SPRY4: variants seen among roughly 807,000 people sequenced by gnomAD.
SPRY4 encodes protein sprouty homolog 4.
SPRY4 carries 7 observed loss-of-function variants against 17.0 expected under a neutral mutation model. The observed-to-expected ratio is 0.41, with a 90% confidence interval of 0.23 to 0.77. The LOEUF (loss-of-function observed/expected upper bound fraction) is 0.77, where lower values mean the gene tolerates loss of function less well. Among genes scored for constraint, SPRY4 ranks in the 30% least tolerant of loss-of-function variants. The pLI, the probability that SPRY4 is intolerant of heterozygous loss-of-function variation, is 0.32. For synonymous variants in SPRY4, 183 were observed against 174.1 expected, an observed-to-expected ratio of 1.05 and a Z score of -0.40; for missense variants, 435 against 419.9, an observed-to-expected ratio of 1.04 and a Z score of -0.31.
chr5:142,315,075 T>G lies in SPRY4; in HGVS notation c.34A>C (p.Thr12Pro). ...GGCTGGACCATGACTGAGTTGGGAG[T>G]CAAGGGGGCGCTCTGTGGGATCGGG... is the stretch of plus-strand genomic sequence containing the variant. Reference protein sequence around the residue: ...EPPIPQSAPLTPNSVMVQPLL... With the variant: ...EPPIPQSAPLPPNSVMVQPLL... Residue 12 changes from threonine (T) to proline (P), a missense_variant, in exon 2 of 2, where the codon ACT (threonine) becomes CCT (proline). Physicochemically the swap from Thr to Pro is conservative, Grantham distance 38 (BLOSUM62 -1). Transcript: ENST00000434127. 1 of 1,611,388 alleles carries G rather than the reference T, an allele frequency of 6.2e-7. No homozygotes were observed. Among genetic ancestry groups the G allele is most frequent in the Non-Finnish European group, 8.5e-7 (1 of 1,179,650 alleles).
At position 142,310,592 on chromosome 5, in the gene SPRY4, T is replaced by C. The variant is rs140063794; in HGVS notation, c.*3617A>G. The stretch of plus-strand genomic sequence containing the variant: ...ATAGAGCTTCAAAATAAATATTCTA[T>C]ACAAAGAAAACCTGTGGCAACTTTG... On this transcript the variant is annotated 3_prime_UTR_variant, in exon 2 of 2. Coordinates refer to ENST00000434127, the MANE Select transcript of SPRY4 (RefSeq NM_001127496.3). 74 of 152,606 alleles carry C rather than the reference T, an allele frequency of 4.8e-4. No homozygotes were observed. Among genetic ancestry groups the C allele is most frequent in the East Asian group, 7.7e-4 (4 of 5,188 alleles). 9.5% of individuals were successfully genotyped at this position (152,606 alleles called of 1,614,324 possible). A position where few individuals can be genotyped will look rare whatever the true frequency, so the allele number is the denominator to read the frequency against.
intron 1 of SPRY4, chr5:142,319,629 A>C (rs1424392713): frequency 1.4e-6 from 2 of 1,412,206 alleles, no homozygotes; most frequent in East Asian, 4.8e-5. Context: ...AGAGAGTCCT[A>C]GAATACTGAA....
rs1758937948 is a variant in SPRY4 at position 142,312,047 on chromosome 5, G to A, written c.*2162C>T. On this transcript the variant is annotated 3_prime_UTR_variant, in exon 2 of 2. Transcript: ENST00000434127. ...AAAGTGCAACTTGCCACTGGGTCAA[G>A]TTTCCCATGGAGACAATTTGAGGGA... The A allele has an allele frequency of 7.1e-6, 1 of 140,548 alleles. No homozygotes were observed. The allele number at this position is 140,548 out of a possible 1,614,324, so 8.7% of individuals were successfully genotyped here.
chr5:142,320,760 C>T (rs1759319323), intron 1 of SPRY4, among the ~76,000 whole-genome samples: 1 of 151,956 alleles, frequency 6.6e-6, no homozygotes, highest in East Asian at 1.9e-4. Flanking sequence ...CCCACAGACA[C>T]TAAGATCTTA....
At position 142,314,144 on chromosome 5, in the gene SPRY4, GTCT is replaced by G; in HGVS notation, c.*62_*64del. 6.7e-7 allele frequency: 1 copy of G among 1,501,550 alleles called. No individual in the cohort carries two copies. Among genetic ancestry groups the G allele is most frequent in the Middle Eastern group, 1.8e-4 (1 of 5,704 alleles). 93.0% of individuals were successfully genotyped at this position (1,501,550 alleles called of 1,614,324 possible). On this transcript the variant is annotated 3_prime_UTR_variant, in exon 2 of 2. Coordinates refer to ENST00000434127, the MANE Select transcript of SPRY4 (RefSeq NM_001127496.3). This position sits in a 1 kb window ranked among gnomAD's most constrained non-coding sequence, Gnocchi z 4.8. ...GGCTAAAACCTCTGACCTTGCTGCA[GTCT>G]TCTTAGATGTCAGAAGAGAACCAGG...
At position 142,314,878 on chromosome 5, in the gene SPRY4, C is replaced by T. The variant is rs143709567; in HGVS notation, c.231G>A (p.Thr77=). ...TGACATCCTGGTCACAGCGGGCGGG[C>T]GTCGGGGCCAGCTCTGGGGCCCCGC... ...TRGGAPELAP[T]PARCDQDVTH... Residue 77 remains threonine (T), a synonymous_variant, in exon 2 of 2, where the codon ACG becomes ACA. Coordinates refer to ENST00000434127, the MANE Select transcript of SPRY4 (RefSeq NM_001127496.3). The surrounding 1 kb of genome is among the most constrained non-coding windows in gnomAD (Gnocchi z 4.8). The T allele has an allele frequency of 1.6e-3, 2,601 of 1,597,144 alleles. 23 individuals carry two copies. Among genetic ancestry groups the T allele is most frequent in the South Asian group, 0.012 (1,092 of 89,134 alleles).
intron 1 of SPRY4, chr5:142,317,350 G>T (rs1759188205): frequency 1.0e-6 from 1 of 985,456 alleles, no homozygotes; most frequent in Non-Finnish European, 1.2e-6. Context: ...CTGCCTGGAG[G>T]AAAGGGTGTG....
chr5:142,315,261 C>T (rs914308725), intron 1 of SPRY4, 106 bp from the exon 2 acceptor site: 1 of 685,686 alleles, frequency 1.5e-6, no homozygotes, highest in Non-Finnish European at 2.4e-6. Context: ...GCCCAATTGA[C>T]ATAGGAACTA....
chr5:142,316,586 G>A (rs1222040708), intron 1 of SPRY4, among the ~76,000 whole-genome samples: 4 of 152,178 alleles, frequency 2.6e-5, no homozygotes, highest in African/African-American at 4.8e-5. Flanking sequence ...TTGCATTAAT[G>A]TATTATGGGG....
chr5:142,317,246 A>G, intron 1 of SPRY4: 1 of 985,468 alleles, frequency 1.0e-6, no homozygotes, highest in Middle Eastern at 5.2e-4. Context: ...CTGCCCACTT[A>G]TTCTCAATAG....
Position 142,314,285 on chromosome 5 carries a change from C to T in SPRY4, c.824G>A (p.Cys275Tyr), listed in dbSNP as rs1255890118. The T allele has an allele frequency of 1.2e-6, 2 of 1,613,764 alleles. No homozygotes were observed. Among genetic ancestry groups the T allele is most frequent in the African/African-American group, 1.3e-5 (1 of 75,066 alleles). ...YDRLRRPGCRCKHTNSVICKA... is the reference protein window; with the variant it reads ...YDRLRRPGCRYKHTNSVICKA... ...GCAGATGACGCTGTTCGTGTGCTTG[C>T]AGCGGCAACCAGGGCGGCGCAGACG... Residue 275 changes from cysteine (C) to tyrosine (Y), a missense_variant, in exon 2 of 2, where the codon TGC becomes TAC. By Grantham distance (194) the Cys-to-Tyr change is radical. Coordinates refer to ENST00000434127, the MANE Select transcript of SPRY4 (RefSeq NM_001127496.3). This position sits in a 1 kb window ranked among gnomAD's most constrained non-coding sequence, Gnocchi z 4.8.
rs770051985 is a variant in SPRY4, at chr5:142,315,101, G to T, written c.8C>A (p.Pro3His). MEPPIPQSAPLTP... is the reference protein window; with the variant it reads MEHPIPQSAPLTP... Reference sequence around the variant, plus strand: ...CAAGGGGGCGCTCTGTGGGATCGGGGGCTCCATGGGGCTGGAGGTCCTGGA... The same window carrying T: ...CAAGGGGGCGCTCTGTGGGATCGGGTGCTCCATGGGGCTGGAGGTCCTGGA... The change falls in exon 2 of 2, where the codon CCC becomes CAC. Residue 3 changes from proline (P) to histidine (H), a missense_variant. Coordinates refer to ENST00000434127, the MANE Select transcript of SPRY4 (RefSeq NM_001127496.3). 1 of 1,610,012 alleles carries T rather than the reference G, an allele frequency of 6.2e-7. No individual in the cohort carries two copies. The highest frequency in any genetic ancestry group is 1.3e-5 in the African/African-American group (1 of 74,966).
At position 142,314,203 on chromosome 5, in the gene SPRY4, A is replaced by C. The variant is rs747414690; in HGVS notation, c.*6T>G. On this transcript the variant is annotated 3_prime_UTR_variant, in exon 2 of 2. Transcript: ENST00000434127. The surrounding 1 kb of genome is among the most constrained non-coding windows in gnomAD (Gnocchi z 4.8). ...AGGCAGAGCACTGGGGCTTCGACAC[A>C]AACTGTCAGAAAGGCTTGTCGGGCC... 24 of 1,601,536 alleles carry C rather than the reference A, an allele frequency of 1.5e-5. 1 individual carries two copies. In the South Asian group the frequency reaches 2.5e-4, roughly 17 times the overall value.
chr5:142,321,478 A>G (rs557042063), intron 1 of SPRY4, among the ~76,000 whole-genome samples: 1 of 152,294 alleles, frequency 6.6e-6, no homozygotes, highest in African/African-American at 2.4e-5. Flanking sequence ...ACATATTCTA[A>G]TGAGTCACTG....
intron 1 of SPRY4, among the ~76,000 whole-genome samples, chr5:142,323,393 G>A (rs1759416190): frequency 6.6e-6 from 1 of 152,186 alleles, no homozygotes; most frequent in South Asian, 2.1e-4. Flanking sequence ...GGAAAGAAGG[G>A]GATGCCACTA....
chr5:142,322,483 A>AAATATATATATAT (rs79291595), intron 1 of SPRY4, among the ~76,000 whole-genome samples: 4 of 117,528 alleles, frequency 3.4e-5, no homozygotes, highest in African/African-American at 1.1e-4. Flanking sequence ...AAAAAAAAAA[A>AAATATATATATAT]ATATATATAT....
In SPRY4 at chr5:142,311,258, G is replaced by C. The variant is rs987286548; in HGVS notation, c.*2951C>G. ...CCCAGTTCCCAGGGTGCTCGCGGAA[G>C]CGCTGTCCTTCATTAACACGGGCAG... On this transcript the variant is annotated 3_prime_UTR_variant, in exon 2 of 2. Transcript: ENST00000434127. 2.2e-4 allele frequency: 33 copies of C among 152,224 alleles called. No homozygotes were observed. The highest frequency in any genetic ancestry group is 7.2e-4 in the African/African-American group (30 of 41,436). The allele number at this position is 152,224 out of a possible 1,614,324, so 9.4% of individuals were successfully genotyped here.
rs906543344 is a variant in SPRY4, at chr5:142,313,122, T to G, written c.*1087A>C. 13 of 152,570 alleles carry G rather than the reference T, an allele frequency of 8.5e-5. No homozygotes were observed. Among genetic ancestry groups the G allele is most frequent in the African/African-American group, 3.1e-4 (13 of 41,452 alleles). The allele number at this position is 152,570 out of a possible 1,614,324, so 9.5% of individuals were successfully genotyped here. A position where few individuals can be genotyped will look rare whatever the true frequency, so the allele number is the denominator to read the frequency against. ...AATGGGAGGTGCTGCCTCTCTTCTT[T>G]GCTGTTAAAATCCTCTTGTTGATAG... On this transcript the variant is annotated 3_prime_UTR_variant, in exon 2 of 2. Coordinates refer to ENST00000434127, the MANE Select transcript of SPRY4 (RefSeq NM_001127496.3).
Position 142,316,924 on chromosome 5 carries a change from GCTGGTATTT to G in SPRY4, c.-47-1778_-47-1770del, listed in dbSNP as rs920678373. The G allele has an allele frequency of 2.6e-4, 231 of 899,206 alleles. 1 individual carries two copies. The African/African-American group carries it at 3.7e-3, about 15-fold the overall frequency. 55.7% of individuals were successfully genotyped at this position (899,206 alleles called of 1,614,324 possible). Reference sequence around the variant, plus strand: ...CATGGCCCTGCCTACTTAAAAGGATGCTGGTATTTCTTTACACGCCTTGTTTTTCCTGTC... The same window carrying G: ...CATGGCCCTGCCTACTTAAAAGGATGCTTTACACGCCTTGTTTTTCCTGTC... On this transcript the variant is annotated intron_variant, in intron 1 of 1. Transcript: ENST00000434127.
Sources: allele counts gnomAD v4.1 joint callset (sites outside exome capture counted in the v4.1 genomes callset), GRCh38; gene constraint gnomAD v4.1.1; non-coding constraint Gnocchi (gnomAD v3.1); transcripts MANE v1.5; gene names NCBI Gene and HGNC (gene_info 2026-07-23, HGNC 2026-07-21).